PRMT8: variants seen among roughly 807,000 people sequenced by gnomAD.
PRMT8 encodes the protein protein arginine methyltransferase 8.
In PRMT8, 7 loss-of-function variants were observed where a neutral mutation model predicts 47.1. The observed-to-expected ratio is 0.15, with a 90% confidence interval of 0.08 to 0.28. PRMT8 has a LOEUF of 0.28. PRMT8 is among the 10% of genes least tolerant of loss of function. The pLI is 1.00. For synonymous variants in PRMT8, 188 were observed against 186.5 expected, an observed-to-expected ratio of 1.01 and a Z score of -0.07; for missense variants, 237 against 505.4, an observed-to-expected ratio of 0.47 and a Z score of 5.09.
chr12:3,506,115 G>A (rs181662764), intron 1 of PRMT8, among the ~76,000 whole-genome samples: 1 of 152,268 alleles, frequency 6.6e-6, no homozygotes, highest in African/African-American at 2.4e-5. Context: ...TGCTAGCTGG[G>A]TTCAAGCTCA....
upstream of PRMT8, among the ~76,000 whole-genome samples, chr12:3,487,253 CT>C (rs141254315): frequency 1.3e-3 from 199 of 152,320 alleles, 2 homozygotes; most frequent in African/African-American, 4.5e-3. Context: ...GTGAGGTCCC[CT>C]GGGAGGAGGA....
In PRMT8 at chr12:3,564,820, G is replaced by C. The variant is rs373713569; in HGVS notation, c.482-3886G>C. The stretch of plus-strand genomic sequence containing the variant: ...GAAAATCCTTTGCATGGAGGAGAAG[G>C]GAAGACTGCTGCTGTGTGTGCCCAC... On this transcript the variant is annotated intron_variant, in intron 4 of 9. Transcript: ENST00000382622. The surrounding 1 kb of genome is among the most constrained non-coding windows in gnomAD (Gnocchi z 4.0). Among the ~76,000 whole-genome samples the C allele has an allele frequency of 6.6e-6, 1 of 152,246 alleles. No homozygotes were observed. The highest frequency in any genetic ancestry group is 2.4e-5 in the African/African-American group (1 of 41,464).
chr12:3,543,835 C>G (rs763424865), intron 2 of PRMT8, among the ~76,000 whole-genome samples: 2 of 152,220 alleles, frequency 1.3e-5, no homozygotes, highest in Non-Finnish European at 2.9e-5. Context: ...AAGATGTGTG[C>G]TTCCTGAGGC....
At chr12:3,451,658 A>G (rs1702370185) in intron 1 of PRMT8, among the ~76,000 whole-genome samples, 1 of 152,168 alleles carries the variant, frequency 6.6e-6, no homozygotes, top group Non-Finnish European at 1.5e-5. Context: ...GACATCCTAT[A>G]GAGTTGGTTA....
intron 1 of PRMT8, among the ~76,000 whole-genome samples, chr12:3,425,815 C>A (rs922382150): frequency 3.3e-5 from 5 of 152,220 alleles, no homozygotes; most frequent in African/African-American, 4.8e-5. Context: ...GACTAAAGAA[C>A]AAGTGCCACT....
At chr12:3,486,877 G>A (rs907682163), upstream of PRMT8, among the ~76,000 whole-genome samples, 1 of 152,222 alleles carries the variant, frequency 6.6e-6, no homozygotes, top group Non-Finnish European at 1.5e-5. Context: ...GAGCAAGGAA[G>A]AAATAACATT....
chr12:3,585,999 G>A (rs1867163750), intron 8 of PRMT8, among the ~76,000 whole-genome samples: 1 of 152,162 alleles, frequency 6.6e-6, no homozygotes, highest in African/African-American at 2.4e-5. Context: ...GTCTAACCCA[G>A]AGCCTGCCCT....
intron 1 of PRMT8, among the ~76,000 whole-genome samples, chr12:3,449,465 A>G (rs1864894840): frequency 6.6e-6 from 1 of 151,872 alleles, no homozygotes; most frequent in Non-Finnish European, 1.5e-5. Context: ...TGTGGTTTTG[A>G]TTTGCATTTC....
At chr12:3,559,031 G>A (rs1006545669) in intron 4 of PRMT8, among the ~76,000 whole-genome samples, 2 of 150,966 alleles carry the variant, frequency 1.3e-5, no homozygotes, top group African/African-American at 4.9e-5. Flanking sequence ...TAATCTAGCT[G>A]TCTATCTGTC....
At chr12:3,483,114 C>T (rs1012566871) in intron 1 of PRMT8, among the ~76,000 whole-genome samples, 1 of 152,148 alleles carries the variant, frequency 6.6e-6, no homozygotes, top group African/African-American at 2.4e-5. Flanking sequence ...TGGGGGTAAC[C>T]ATGTAACTAA....
chr12:3,439,715 C>G (rs1864778984), intron 1 of PRMT8, among the ~76,000 whole-genome samples: 1 of 152,102 alleles, frequency 6.6e-6, no homozygotes, highest in Non-Finnish European at 1.5e-5. Context: ...ACATGAGAAA[C>G]AAAGGTGGGG....
intron 4 of PRMT8, among the ~76,000 whole-genome samples, chr12:3,565,746 C>G (rs1016808669): frequency 6.6e-6 from 1 of 152,158 alleles, no homozygotes; most frequent in South Asian, 2.1e-4. Flanking sequence ...GATGAGGTTA[C>G]AGCAACTAAT....
chr12:3,491,832 C>CTCGTG (rs1865409435), intron 1 of PRMT8, 132 bp downstream of exon 1: 6 of 536,356 alleles, frequency 1.1e-5, no homozygotes, highest in Non-Finnish European at 1.6e-5. Context: ...CGGCCTCCTC[C>CTCGTG]TGTGTGTGTG....
chr12:3,463,764 ACT>A (rs1865062909), intron 1 of PRMT8, among the ~76,000 whole-genome samples: 3 of 152,038 alleles, frequency 2.0e-5, no homozygotes. Context: ...TGGCCACAAG[ACT>A]CTCAATGATT....
chr12:3,537,732 G>A (rs893486880), intron 1 of PRMT8, among the ~76,000 whole-genome samples: 2 of 152,078 alleles, frequency 1.3e-5, no homozygotes, highest in African/African-American at 4.8e-5. Context: ...CCTACATTTT[G>A]TCAGTTGCCA....
intron 1 of PRMT8, among the ~76,000 whole-genome samples, chr12:3,459,666 G>A (rs1865018829): frequency 1.3e-5 from 2 of 152,208 alleles, no homozygotes; most frequent in Non-Finnish European, 2.9e-5. Context: ...GGCTGTTTGG[G>A]GTGGGGGCCC....
chr12:3,412,618 T>C (rs945557672), intron 1 of PRMT8, among the ~76,000 whole-genome samples: 2 of 152,190 alleles, frequency 1.3e-5, no homozygotes, highest in African/African-American at 4.8e-5. Flanking sequence ...AAAAATTCTC[T>C]CTCTTTTTTT....
At chr12:3,405,464 C>CT (rs1010211779) in intron 1 of PRMT8, among the ~76,000 whole-genome samples, 163 of 152,326 alleles carry the variant, frequency 1.1e-3, no homozygotes, top group African/African-American at 3.8e-3. Context: ...CCCCCCAAAT[C>CT]TTAGCTCATT....
intron 1 of PRMT8, among the ~76,000 whole-genome samples, chr12:3,475,220 A>G (rs1865199390): frequency 6.6e-6 from 1 of 152,086 alleles, no homozygotes; most frequent in African/African-American, 2.4e-5. Context: ...GAGGTCCTGG[A>G]GTGGTGGCAG....
Sources: allele counts gnomAD v4.1 joint callset (sites outside exome capture counted in the v4.1 genomes callset), GRCh38; gene constraint gnomAD v4.1.1; non-coding constraint Gnocchi (gnomAD v3.1); transcripts MANE v1.5; gene names NCBI Gene and HGNC (gene_info 2026-07-23, HGNC 2026-07-21).